The following DDX54 variants were observed in gnomAD, a reference collection of about 807,000 sequenced individuals.
DDX54 encodes DEAD-box helicase 54, also known as ATP-dependent RNA helicase DDX54.
In DDX54, 67 loss-of-function variants were observed where a neutral mutation model predicts 105.5. That is an observed-to-expected ratio of 0.64 (90% CI 0.52 to 0.78). The LOEUF (loss-of-function observed/expected upper bound fraction) is 0.78, where lower values mean the gene tolerates loss of function less well. Among genes scored for constraint, DDX54 ranks in the 30% least tolerant of loss-of-function variants. The pLI is 0.00. For missense variants in DDX54, 1,206 were observed against 1,230.5 expected (o/e 0.98, Z 0.30); for synonymous variants, 514 against 509.9 (o/e 1.01, Z -0.11).
Position 113,158,747 on chromosome 12 carries a change from A to T in DDX54, c.*130T>A. On this transcript the variant is annotated 3_prime_UTR_variant, in exon 20 of 20. Transcript: ENST00000306014. This position sits in a 1 kb window ranked among gnomAD's most constrained non-coding sequence, Gnocchi z 4.9. Reference sequence around the variant, plus strand: ...CTGTGGCCATACAGTGCTCCTTTTCACAGATGATGGCTCCTGCAGGGAGTG... The same window carrying T: ...CTGTGGCCATACAGTGCTCCTTTTCTCAGATGATGGCTCCTGCAGGGAGTG... The T allele has an allele frequency of 9.5e-7, 1 of 1,048,384 alleles. No individual in the cohort carries two copies. The allele number at this position is 1,048,384 out of a possible 1,614,324, so 64.9% of individuals were successfully genotyped here.
chr12:113,166,468 A>G (rs1308923923), intron 12 of DDX54, among the ~76,000 whole-genome samples: 1 of 152,102 alleles, frequency 6.6e-6, no homozygotes, highest in African/African-American at 2.4e-5. Context: ...CGGGAGGCTG[A>G]GGCAGGAGGA....
chr12:113,176,101 G>A (rs1262247708), intron 7 of DDX54, among the ~76,000 whole-genome samples: 2 of 151,888 alleles, frequency 1.3e-5, no homozygotes, highest in Non-Finnish European at 2.9e-5. Flanking sequence ...ACCCCTGTGA[G>A]GTACGTGCTA....
chr12:113,158,834 AC>A lies in DDX54; in HGVS notation c.*42del, dbSNP rs762939741. On this transcript the variant is annotated 3_prime_UTR_variant, in exon 20 of 20. Coordinates refer to ENST00000306014, the MANE Select transcript of DDX54 (RefSeq NM_024072.4). The surrounding 1 kb of genome is among the most constrained non-coding windows in gnomAD (Gnocchi z 4.9). ...TGCACGGGAACGTCTGCTGATGCCC[AC>A]CCTAAGGCCAATCAAGGAGCCACGG... 1.3e-6 allele frequency: 2 copies of A among 1,537,088 alleles called. No individual in the cohort carries two copies. The highest frequency in any genetic ancestry group is 2.7e-5 in the African/African-American group (2 of 73,090).
intron 14 of DDX54, 121 bp from the exon 15 acceptor site, chr12:113,164,406 A>G: frequency 8.1e-7 from 1 of 1,241,858 alleles, no homozygotes; most frequent in Non-Finnish European, 1.1e-6. Context: ...CATTATCTGC[A>G]CTTCACAATT....
At chr12:113,162,850 G>T (rs58200100) in intron 17 of DDX54, 82 bp downstream of exon 17, 1 of 1,355,006 alleles carries the variant, frequency 7.4e-7, no homozygotes, top group South Asian at 1.4e-5. Context: ...CGGCTCACTC[G>T]ATCACTCACC....
Position 113,174,544 on chromosome 12 carries a change from G to C in DDX54, c.1068+96C>G, listed in dbSNP as rs1040325127. 5 of 1,510,530 alleles carry C rather than the reference G, an allele frequency of 3.3e-6. No individual in the cohort carries two copies. The Admixed American group carries it at 1.1e-4, about 33-fold the overall frequency. The allele number at this position is 1,510,530 out of a possible 1,614,324, so 93.6% of individuals were successfully genotyped here. A position where few individuals can be genotyped will look rare whatever the true frequency, so the allele number is the denominator to read the frequency against. ...TCTTGAGCCCAGGCCCAGGCTCCTG[G>C]TCCGCTCTCGTGCTGCCCTCTAGTG... On this transcript the variant is annotated intron_variant, in intron 10 of 19. Transcript: ENST00000306014.
At position 113,168,844 on chromosome 12, in the gene DDX54, C is replaced by T. The variant is rs145913376; in HGVS notation, c.1414+926G>A. Among the ~76,000 whole-genome samples, 885 of 152,200 alleles carry T rather than the reference C, an allele frequency of 5.8e-3. 7 individuals carry two copies. The highest frequency in any genetic ancestry group is 0.02 in the African/African-American group (820 of 41,504). ...ACTCGGGAGGCTGAGGCAGGAGAAT[C>T]GCTTGAACCCAGGATGCGGAGGTTG... On this transcript the variant is annotated intron_variant, in intron 12 of 19. Coordinates refer to ENST00000306014, the MANE Select transcript of DDX54 (RefSeq NM_024072.4).
At chr12:113,169,000 G>C (rs903981028) in intron 12 of DDX54, among the ~76,000 whole-genome samples, 1 of 151,854 alleles carries the variant, frequency 6.6e-6, no homozygotes, top group Non-Finnish European at 1.5e-5. Flanking sequence ...CCTCCGCTGC[G>C]CTCCCCTGAA....
At chr12:113,162,104 G>A (rs1466282386) in intron 17 of DDX54, 107 bp from the exon 18 acceptor site, 6 of 1,060,962 alleles carry the variant, frequency 5.7e-6, no homozygotes, top group Non-Finnish European at 8.6e-6. Context: ...GGTTGTTGGA[G>A]CATTAAAGGA....
At chr12:113,170,934 G>T (rs1482860185) in intron 11 of DDX54, among the ~76,000 whole-genome samples, 1 of 152,190 alleles carries the variant, frequency 6.6e-6, no homozygotes, top group African/African-American at 2.4e-5. Context: ...CAATATGATT[G>T]CAATTTTGCA....
At position 113,185,359 on chromosome 12, in the gene DDX54, G is replaced by C. The variant is rs1214242192; in HGVS notation, c.93C>G (p.Gly31=). The C allele has an allele frequency of 6.3e-7, 1 of 1,583,660 alleles. No homozygotes were observed. The highest frequency in any genetic ancestry group is 2.3e-5 in the East Asian group (1 of 42,900). The change falls in exon 1 of 20, where the codon GGC becomes GGG. Residue 31 remains glycine, a synonymous_variant. Coordinates refer to ENST00000306014, the MANE Select transcript of DDX54 (RefSeq NM_024072.4). The part of the protein sequence containing the change: ...RKKKGLRKRR[G]AASQARGSDS... ...CGCTGCCGCGGGCCTGGGAGGCCGC[G>C]CCTCGGCGCTTCCGGAGCCCTTTCT...
chr12:113,164,580 G>A lies in DDX54; in HGVS notation c.1720-295C>T, dbSNP rs143592230. 2.6e-3 allele frequency among the ~76,000 whole-genome samples: 402 copies of A among 152,274 alleles called. 6 individuals carry two copies. Among genetic ancestry groups the A allele is most frequent in the African/African-American group, 8.4e-3 (348 of 41,540 alleles). On this transcript the variant is annotated intron_variant, in intron 14 of 19. Transcript: ENST00000306014. ...AATACAAAAATTAGCTAGGTGTGGTGGTGGGCACCTGTAGTCCCAGCTACT... is the reference window on the plus strand; with the variant it reads ...AATACAAAAATTAGCTAGGTGTGGTAGTGGGCACCTGTAGTCCCAGCTACT...
At chr12:113,172,911 C>T (rs578076786) in intron 10 of DDX54, among the ~76,000 whole-genome samples, 1 of 152,342 alleles carries the variant, frequency 6.6e-6, no homozygotes, top group African/African-American at 2.4e-5. Flanking sequence ...CTTTTCTATG[C>T]CTCATTTTCC....
At position 113,172,375 on chromosome 12, in the gene DDX54, GC is replaced by G; in HGVS notation, c.1256del (p.Gly419AlafsTer142). 1 of 1,614,148 alleles carries G rather than the reference GC, an allele frequency of 6.2e-7. No individual in the cohort carries two copies. Among genetic ancestry groups the G allele is most frequent in the Non-Finnish European group, 8.5e-7 (1 of 1,180,010 alleles). ...NVINYSFPAK[G>X]KLFLHRVGRV... ...TACCCACGCGGTGCAGGAAGAGTTT[GC>G]CCTTGGCGGGGAAGCTGTAGTTGAT... is the stretch of plus-strand genomic sequence containing the variant. On this transcript the variant is annotated frameshift_variant, in exon 11 of 20. Coordinates refer to ENST00000306014, the MANE Select transcript of DDX54 (RefSeq NM_024072.4). LOFTEE classifies it high-confidence loss of function.
At chr12:113,184,649 AC>A (rs763933154) in intron 1 of DDX54, among the ~76,000 whole-genome samples, 1 of 150,042 alleles carries the variant, frequency 6.7e-6, no homozygotes, top group Non-Finnish European at 1.5e-5. Flanking sequence ...ACATAGGGAG[AC>A]CCCCGTCTCT....
chr12:113,157,952 C>T lies in DDX54; in HGVS notation c.*925G>A. 4.0e-6 allele frequency: 2 copies of T among 502,892 alleles called. 1 individual carries two copies. Among genetic ancestry groups the T allele is most frequent in the South Asian group, 5.8e-5 (2 of 34,260 alleles). 31.2% of individuals were successfully genotyped at this position (502,892 alleles called of 1,614,324 possible). On this transcript the variant is annotated 3_prime_UTR_variant, in exon 20 of 20. Coordinates refer to ENST00000306014, the MANE Select transcript of DDX54 (RefSeq NM_024072.4). ...GCCTCTAAAATGAGATCAGACCAGG[C>T]CCTCCCTGCCAGGGTGGTTGGGGCA...
chr12:113,170,894 AAC>A (rs1952329477), intron 11 of DDX54, among the ~76,000 whole-genome samples: 1 of 152,246 alleles, frequency 6.6e-6, no homozygotes. Flanking sequence ...AAAAGAAAAA[AAC>A]AAAAAGCCAG....
intron 1 of DDX54, among the ~76,000 whole-genome samples, chr12:113,184,995 C>T (rs1020347718): frequency 1.3e-4 from 20 of 152,204 alleles, no homozygotes; most frequent in Non-Finnish European, 2.9e-4. Flanking sequence ...AGGATCCGCC[C>T]CACGAGCAGG....
intron 19 of DDX54, among the ~76,000 whole-genome samples, chr12:113,160,372 TTGGGCAGC>T (rs1418846344): frequency 6.6e-6 from 1 of 152,218 alleles, no homozygotes; most frequent in African/African-American, 2.4e-5. Context: ...GGTGGGAGCC[TTGGGCAGC>T]TGGGTGACCC....
Sources: allele counts gnomAD v4.1 joint callset (sites outside exome capture counted in the v4.1 genomes callset), GRCh38; gene constraint gnomAD v4.1.1; non-coding constraint Gnocchi (gnomAD v3.1); transcripts MANE v1.5; gene names NCBI Gene and HGNC (gene_info 2026-07-23, HGNC 2026-07-21).